Variants in SDCCAG8 observed in about 807,000 individuals in gnomAD.
SDCCAG8 encodes the protein serologically defined colon cancer antigen 8.
SDCCAG8 carries 74 observed loss-of-function variants against 101.8 expected under a neutral mutation model. That is an observed-to-expected ratio of 0.73 (90% CI 0.60 to 0.88). The LOEUF is 0.88. Ranked by LOEUF, SDCCAG8 falls within the 40% of genes least tolerant of loss-of-function variation. The pLI is 0.00. For synonymous variants in SDCCAG8, 281 were observed against 292.9 expected (o/e 0.96, Z 0.41); for missense variants, 787 against 822.6 (o/e 0.96, Z 0.53).
At chr1:243,497,675 A>G (rs1451284023) in intron 17 of SDCCAG8, among the ~76,000 whole-genome samples, 1 of 152,094 alleles carries the variant, frequency 6.6e-6, no homozygotes, top group Non-Finnish European at 1.5e-5. Flanking sequence ...ATTCCGCAAC[A>G]CATTTTACTT....
intron 12 of SDCCAG8, among the ~76,000 whole-genome samples, chr1:243,363,452 G>T (rs1323253447): frequency 6.6e-6 from 1 of 152,176 alleles, no homozygotes. Context: ...TTTGTAGTTT[G>T]GCAGGATATA....
chr1:243,480,778 T>G (rs1663525716), intron 16 of SDCCAG8, among the ~76,000 whole-genome samples: 1 of 71,478 alleles, frequency 1.4e-5, no homozygotes, highest in South Asian at 5.4e-4. Context: ...ATGGGTGGGA[T>G]GGATGGATGG....
chr1:243,341,279 G>A (rs1440253731), intron 11 of SDCCAG8, 106 bp downstream of exon 11: 5 of 1,310,306 alleles, frequency 3.8e-6, no homozygotes, highest in African/African-American at 1.5e-5. Flanking sequence ...GAAGTTTGGA[G>A]TAGAAAAGTT....
At chr1:243,291,114 T>C (rs2070210764) in intron 5 of SDCCAG8, among the ~76,000 whole-genome samples, 1 of 152,216 alleles carries the variant, frequency 6.6e-6, no homozygotes, top group African/African-American at 2.4e-5. Context: ...GACACTGCAG[T>C]ATGGGTCAGT....
At position 243,458,678 on chromosome 1, in the gene SDCCAG8, A is replaced by G. The variant is rs1431119724; in HGVS notation, c.1986-30336A>G. On this transcript the variant is annotated intron_variant, in intron 16 of 17. Transcript: ENST00000366541. The surrounding 1 kb of genome is among the most constrained non-coding windows in gnomAD (Gnocchi z 4.5). ...CGTGAACCTGGGCAGTGTGGCTGCC[A>G]ATTCTGGGAAGAAGGGATGCTGATT... is the stretch of plus-strand genomic sequence containing the variant. Among the ~76,000 whole-genome samples, 2 of 152,240 alleles carry G rather than the reference A, an allele frequency of 1.3e-5. No homozygotes were observed. Among genetic ancestry groups the G allele is most frequent in the Non-Finnish European group, 2.9e-5 (2 of 68,038 alleles).
chr1:243,331,132 T>G (rs1215923827), intron 10 of SDCCAG8, among the ~76,000 whole-genome samples: 1 of 152,168 alleles, frequency 6.6e-6, no homozygotes, highest in Admixed American at 6.5e-5. Flanking sequence ...CAAGAAAAAG[T>G]GATTATGCAC....
rs1229493967 is a variant in SDCCAG8, at chr1:243,440,422, A to G, written c.1985+13864A>G. 3.3e-5 allele frequency among the ~76,000 whole-genome samples: 5 copies of G among 152,332 alleles called. No individual in the cohort carries two copies. The East Asian group carries it at 7.7e-4, about 23-fold the overall frequency. ...TTTGTCTCAGGAAACACTGAATTTC[A>G]GGCTGCCTTTGAGAGGTTTTGTTCC... On this transcript the variant is annotated intron_variant, in intron 16 of 17. Transcript: ENST00000366541.
At chr1:243,329,315 A>T (rs923742508) in intron 9 of SDCCAG8, among the ~76,000 whole-genome samples, 1 of 152,194 alleles carries the variant, frequency 6.6e-6, no homozygotes, top group African/African-American at 2.4e-5. Context: ...GGAGCATAGA[A>T]ACTTTTCAGA....
At chr1:243,347,664 A>G (rs1391416422) in intron 12 of SDCCAG8, among the ~76,000 whole-genome samples, 1 of 152,216 alleles carries the variant, frequency 6.6e-6, no homozygotes, top group Non-Finnish European at 1.5e-5. Context: ...ATATCCCAAA[A>G]GGAGCTTCCT....
chr1:243,356,072 A>G (rs1487702867), intron 12 of SDCCAG8, among the ~76,000 whole-genome samples: 3 of 152,224 alleles, frequency 2.0e-5, no homozygotes, highest in Admixed American at 6.5e-5. Flanking sequence ...CTTCCCTAAT[A>G]TACTGAAGGT....
rs570846830 is a variant in SDCCAG8, at chr1:243,409,147, TATTGAA to T, written c.1617-6552_1617-6547del. On this transcript the variant is annotated intron_variant, in intron 13 of 17. Coordinates refer to ENST00000366541, the MANE Select transcript of SDCCAG8 (RefSeq NM_006642.5). ...AAAACAAAACAAAACTATAAGCAAA[TATTGAA>T]ATCTAGTTACTAGTAGATTTGCTTT... Among the ~76,000 whole-genome samples, 18 of 152,268 alleles carry T rather than the reference TATTGAA, an allele frequency of 1.2e-4. No individual in the cohort carries two copies. In the South Asian group the frequency reaches 3.7e-3, roughly 32 times the overall value.
intron 10 of SDCCAG8, among the ~76,000 whole-genome samples, chr1:243,332,494 A>T (rs2149351702): frequency 6.6e-6 from 1 of 151,366 alleles, no homozygotes; most frequent in East Asian, 2.0e-4. Flanking sequence ...GGAGGTGATT[A>T]TCATAATCCA....
At chr1:243,381,413 A>T (rs566612320) in intron 13 of SDCCAG8, among the ~76,000 whole-genome samples, 2 of 152,064 alleles carry the variant, frequency 1.3e-5, no homozygotes, top group African/African-American at 4.8e-5. Context: ...ACACAATGAG[A>T]CCCCATCTCT....
intron 14 of SDCCAG8, 129 bp from the exon 15 acceptor site, chr1:243,417,839 T>G: frequency 1.4e-6 from 1 of 715,648 alleles, no homozygotes; most frequent in Non-Finnish European, 2.6e-6. Context: ...ACTTAGGACA[T>G]TGAAGGTGAT....
chr1:243,312,900 AC>A (rs2072888130), intron 8 of SDCCAG8, among the ~76,000 whole-genome samples: 1 of 152,144 alleles, frequency 6.6e-6, no homozygotes, highest in South Asian at 2.1e-4. Flanking sequence ...ATTGTTTCCG[AC>A]CTTTCGCCTT....
At chr1:243,295,478 C>T (rs996371307) in intron 6 of SDCCAG8, among the ~76,000 whole-genome samples, 1 of 152,158 alleles carries the variant, frequency 6.6e-6, no homozygotes, top group African/African-American at 2.4e-5. Flanking sequence ...CCTCGTAATC[C>T]ACCCGCCTCG....
At chr1:243,463,295 A>G (rs1473303565) in intron 16 of SDCCAG8, among the ~76,000 whole-genome samples, 1 of 152,270 alleles carries the variant, frequency 6.6e-6, no homozygotes, top group Non-Finnish European at 1.5e-5. Context: ...AGCTCTGTAG[A>G]GTGGCAACAC....
intron 12 of SDCCAG8, among the ~76,000 whole-genome samples, chr1:243,356,360 A>G (rs570906830): frequency 6.6e-6 from 1 of 151,266 alleles, no homozygotes; most frequent in South Asian, 2.1e-4. Context: ...CTAGGAGAGC[A>G]AGAAAGATGC....
Position 243,258,287 on chromosome 1 carries a change from C to G in SDCCAG8, c.67+2047C>G, listed in dbSNP as rs142399669. Among the ~76,000 whole-genome samples the G allele has an allele frequency of 3.6e-3, 554 of 152,168 alleles. 1 individual carries two copies. The highest frequency in any genetic ancestry group is 0.013 in the African/African-American group (526 of 41,506). On this transcript the variant is annotated intron_variant, in intron 1 of 17. Transcript: ENST00000366541. ...AGGACATATCATTTATTTAGTAGCA[C>G]TTTTATTTTTGTATGTTAGCTTATA...
Sources: allele counts gnomAD v4.1 joint callset (sites outside exome capture counted in the v4.1 genomes callset), GRCh38; gene constraint gnomAD v4.1.1; non-coding constraint Gnocchi (gnomAD v3.1); transcripts MANE v1.5; gene names NCBI Gene and HGNC (gene_info 2026-07-23, HGNC 2026-07-21).